DUSP5: variants seen among roughly 807,000 people sequenced by gnomAD.
DUSP5 encodes dual specificity protein phosphatase 5.
DUSP5 carries 22 observed loss-of-function variants against 33.6 expected under a neutral mutation model. The ratio of observed to expected loss-of-function variants is 0.66; its 90% confidence interval spans 0.47 to 0.94. The LOEUF (loss-of-function observed/expected upper bound fraction) is 0.94, where lower values mean the gene tolerates loss of function less well. DUSP5 is among the 40% of genes least tolerant of loss of function. The pLI is 0.00. For missense variants in DUSP5, 551 were observed against 522.1 expected (o/e 1.06, Z -0.54); for synonymous variants, 270 against 231.1 (o/e 1.17, Z -1.53).
chr10:110,507,959 G>T (rs149430571), intron 3 of DUSP5, among the ~76,000 whole-genome samples: 6 of 152,290 alleles, frequency 3.9e-5, no homozygotes, highest in African/African-American at 1.4e-4. Flanking sequence ...ATCATGCCCC[G>T]TTTTCCAGCT....
rs116889023 is a variant in DUSP5 at position 110,508,913 on chromosome 10, T to G, written c.749-1107T>G. Among the ~76,000 whole-genome samples, 1,167 of 152,312 alleles carry G rather than the reference T, an allele frequency of 7.7e-3. 11 individuals carry two copies. Among genetic ancestry groups the G allele is most frequent in the Non-Finnish European group, 0.012 (796 of 68,034 alleles). On this transcript the variant is annotated intron_variant, in intron 3 of 3. Coordinates refer to ENST00000369583, the MANE Select transcript of DUSP5 (RefSeq NM_004419.4). ...GATTCCTCCCTGATGCCTCAGAAAT[T>G]TTATCTTTTAGATCTTGCAGATTGA...
rs1376620377 is a variant in DUSP5 at position 110,510,839 on chromosome 10, T to C, written c.*413T>C. On this transcript the variant is annotated 3_prime_UTR_variant, in exon 4 of 4. Transcript: ENST00000369583. ...TGAAGGAAGCACAATTTCCACCTTA[T>C]TTTTTGAACTTTGGCAGTTTCAATG... 6.0e-6 allele frequency: 1 copy of C among 166,496 alleles called. No homozygotes were observed. Among genetic ancestry groups the C allele is most frequent in the Non-Finnish European group, 1.3e-5 (1 of 77,398 alleles). The allele number at this position is 166,496 out of a possible 1,614,324, so 10.3% of individuals were successfully genotyped here. A position where few individuals can be genotyped will look rare whatever the true frequency, so the allele number is the denominator to read the frequency against.
At chr10:110,500,713 A>G (rs529667425) in intron 1 of DUSP5, among the ~76,000 whole-genome samples, 7 of 152,294 alleles carry the variant, frequency 4.6e-5, no homozygotes, top group Non-Finnish European at 8.8e-5. Flanking sequence ...CTCACTCCAA[A>G]AGAAGTAGCT....
Position 110,498,291 on chromosome 10 carries a change from G to T in DUSP5, c.170G>T (p.Gly57Val), listed in dbSNP as rs775042496. Residue 57 changes from glycine to valine, a missense_variant, in exon 1 of 4, where the codon GGC becomes GTC. Physicochemically the swap from Gly to Val is moderately radical, Grantham distance 109 (BLOSUM62 -3). Coordinates refer to ENST00000369583, the MANE Select transcript of DUSP5 (RefSeq NM_004419.4). ...TCGGTGGTGCTGCGGCGGGCCCGGGGCGGCGCGGTGTCGGCGCGCTACGTG... is the reference window on the plus strand; with the variant it reads ...TCGGTGGTGCTGCGGCGGGCCCGGGTCGGCGCGGTGTCGGCGCGCTACGTG... Reference protein sequence around the residue: ...LNSVVLRRARGGAVSARYVLP... With the variant: ...LNSVVLRRARVGAVSARYVLP... 12 of 1,446,004 alleles carry T rather than the reference G, an allele frequency of 8.3e-6. No homozygotes were observed. The highest frequency in any genetic ancestry group is 1.1e-5 in the Non-Finnish European group (12 of 1,093,338). The allele number at this position is 1,446,004 out of a possible 1,614,324, so 89.6% of individuals were successfully genotyped here.
chr10:110,501,966 G>C (rs77766528), intron 1 of DUSP5, among the ~76,000 whole-genome samples: 2 of 99,618 alleles, frequency 2.0e-5, no homozygotes, highest in Admixed American at 2.2e-4. Flanking sequence ...CTTATTGATT[G>C]GGGGGGGGGT....
intron 2 of DUSP5, among the ~76,000 whole-genome samples, chr10:110,505,414 A>T (rs1397114983): frequency 6.6e-6 from 1 of 152,274 alleles, no homozygotes; most frequent in Admixed American, 6.5e-5. Flanking sequence ...GTAGATGCTG[A>T]TAAAAATACC....
Position 110,498,211 on chromosome 10 carries a change from C to T in DUSP5, c.90C>T (p.Pro30=). The T allele has an allele frequency of 2.0e-6, 3 of 1,511,928 alleles. No homozygotes were observed. Among genetic ancestry groups the T allele is most frequent in the South Asian group, 1.2e-5 (1 of 85,522 alleles). 93.7% of individuals were successfully genotyped at this position (1,511,928 alleles called of 1,614,324 possible). A position where few individuals can be genotyped will look rare whatever the true frequency, so the allele number is the denominator to read the frequency against. Residue 30 remains proline (P), a synonymous_variant, in exon 1 of 4, where the codon CCC becomes CCT. Coordinates refer to ENST00000369583, the MANE Select transcript of DUSP5 (RefSeq NM_004419.4). Reference sequence around the variant, plus strand: ...GCTGCGTGGTGCTCGACTGCCGGCCCTATCTGGCCTTCGCTGCCTCGAACG... The same window carrying T: ...GCTGCGTGGTGCTCGACTGCCGGCCTTATCTGGCCTTCGCTGCCTCGAACG... The part of the protein sequence containing the change: ...AARCVVLDCR[P]YLAFAASNVR...
At chr10:110,500,086 C>A (rs1239101044) in intron 1 of DUSP5, among the ~76,000 whole-genome samples, 1 of 152,214 alleles carries the variant, frequency 6.6e-6, no homozygotes, top group Non-Finnish European at 1.5e-5. Flanking sequence ...TCTTAGAACC[C>A]AGTTCCACTC....
At chr10:110,502,661 T>A in intron 1 of DUSP5, 60 bp from the exon 2 acceptor site, 2 of 1,583,908 alleles carry the variant, frequency 1.3e-6, no homozygotes, top group Non-Finnish European at 1.7e-6. Context: ...TATGGGTATT[T>A]TTGACAGCGT....
chr10:110,498,062 C>T lies in DUSP5; in HGVS notation c.-60C>T, dbSNP rs1859978358. On this transcript the variant is annotated 5_prime_UTR_variant, in exon 1 of 4. Transcript: ENST00000369583. ...CGCGGACACCCTGGCCGTGGACACC[C>T]TGGCCGTGGGCACCCGCGGGGCGCG... 2.7e-6 allele frequency: 3 copies of T among 1,121,728 alleles called. No homozygotes were observed. Among genetic ancestry groups the T allele is most frequent in the South Asian group, 4.0e-5 (1 of 24,818 alleles). The allele number at this position is 1,121,728 out of a possible 1,614,324, so 69.5% of individuals were successfully genotyped here.
intron 2 of DUSP5, among the ~76,000 whole-genome samples, chr10:110,505,372 C>G (rs1860106003): frequency 6.6e-6 from 1 of 152,204 alleles, no homozygotes; most frequent in Admixed American, 6.5e-5. Context: ...GTAGGCACAT[C>G]TAAAGGGTTA....
At position 110,510,659 on chromosome 10, in the gene DUSP5, G is replaced by A; in HGVS notation, c.*233G>A. 3.7e-6 allele frequency: 2 copies of A among 535,444 alleles called. No individual in the cohort carries two copies. The highest frequency in any genetic ancestry group is 3.2e-5 in the South Asian group (1 of 31,332). The allele number at this position is 535,444 out of a possible 1,614,324, so 33.2% of individuals were successfully genotyped here. Reference sequence around the variant, plus strand: ...GGGAGCACAGCATGTGCTGACTACTGTACTTCCAGACCCCTGCCCTCTTGG... The same window carrying A: ...GGGAGCACAGCATGTGCTGACTACTATACTTCCAGACCCCTGCCCTCTTGG... On this transcript the variant is annotated 3_prime_UTR_variant, in exon 4 of 4. Coordinates refer to ENST00000369583, the MANE Select transcript of DUSP5 (RefSeq NM_004419.4).
At chr10:110,499,735 G>C (rs11195157) in intron 1 of DUSP5, among the ~76,000 whole-genome samples, 44,641 of 152,112 alleles carry the variant, frequency 0.29, 6,811 homozygotes, top group East Asian at 0.4. Context: ...TCCCCCAGGG[G>C]ATAGAGGGTT....
At chr10:110,505,118 A>G (rs1470843456) in intron 2 of DUSP5, among the ~76,000 whole-genome samples, 1 of 152,230 alleles carries the variant, frequency 6.6e-6, no homozygotes, top group Admixed American at 6.5e-5. Flanking sequence ...GAGAGGAAAG[A>G]GGGAATTTTT....
intron 3 of DUSP5, among the ~76,000 whole-genome samples, chr10:110,508,197 C>G (rs111843558): frequency 6.6e-6 from 1 of 152,112 alleles, no homozygotes; most frequent in Non-Finnish European, 1.5e-5. Context: ...GGCAAAAGGC[C>G]GAGCCTGTCC....
rs1859992290 is a variant in DUSP5, at chr10:110,498,474, C to T, written c.353C>T (p.Ala118Val). ...ACCTCGCTACTCGCTTGCCTACCCGCCGGCCCGCGGGTCTACTTCCTCAAA... is the reference window on the plus strand; with the variant it reads ...ACCTCGCTACTCGCTTGCCTACCCGTCGGCCCGCGGGTCTACTTCCTCAAA... ...VLTSLLACLP[A>V]GPRVYFLKGG... The change falls in exon 1 of 4, where the codon GCC becomes GTC. Residue 118 changes from alanine to valine, a missense_variant. By Grantham distance (64) the Ala-to-Val change is moderately conservative. This residue lies in a region of DUSP5 where 381 missense variants were observed against 310.4 expected (regional missense o/e 1.23). Transcript: ENST00000369583. 6.5e-7 allele frequency: 1 copy of T among 1,544,614 alleles called. No individual in the cohort carries two copies. The highest frequency in any genetic ancestry group is 8.7e-7 in the Non-Finnish European group (1 of 1,154,786).
chr10:110,508,713 C>T (rs1019142411), intron 3 of DUSP5, among the ~76,000 whole-genome samples: 2 of 152,154 alleles, frequency 1.3e-5, no homozygotes, highest in Non-Finnish European at 2.9e-5. Flanking sequence ...AACAGAGGAG[C>T]GAAGGGAGAT....
At chr10:110,506,803 T>A (rs1279390512) in intron 2 of DUSP5, 132 bp from the exon 3 acceptor site, 2 of 973,066 alleles carry the variant, frequency 2.1e-6, no homozygotes, top group Non-Finnish European at 3.2e-6. Context: ...CTGCCCTGGC[T>A]CTGAACTCCA....
In DUSP5 at chr10:110,510,638, G is replaced by A; in HGVS notation, c.*212G>A. The stretch of plus-strand genomic sequence containing the variant: ...GAAGGAAGGCCAAGCCATTACGGGA[G>A]CACAGCATGTGCTGACTACTGTACT... On this transcript the variant is annotated 3_prime_UTR_variant, in exon 4 of 4. Coordinates refer to ENST00000369583, the MANE Select transcript of DUSP5 (RefSeq NM_004419.4). 1.6e-6 allele frequency: 1 copy of A among 632,204 alleles called. No individual in the cohort carries two copies. Among genetic ancestry groups the A allele is most frequent in the Non-Finnish European group, 2.6e-6 (1 of 382,334 alleles). The allele number at this position is 632,204 out of a possible 1,614,324, so 39.2% of individuals were successfully genotyped here.
Sources: gnomAD v4.1 joint callset for allele counts (sites outside exome capture counted in the v4.1 genomes callset) on GRCh38, gnomAD v4.1.1 for gene constraint, gnomAD v4.1.1 regional missense constraint, MANE v1.5 for transcripts, NCBI Gene and HGNC (gene_info 2026-07-23, HGNC 2026-07-21) for gene names.